HTR4: variants seen among roughly 807,000 people sequenced by gnomAD.
The protein encoded by HTR4 is 5-hydroxytryptamine receptor 4, also known as 5-hydroxytryptamine (serotonin) receptor 4, G protein-coupled.
A neutral mutation model predicts 36.8 loss-of-function variants in HTR4; 16 were observed. That is an observed-to-expected ratio of 0.43 (90% confidence interval 0.29 to 0.66). HTR4 has a LOEUF of 0.66. Ranked by LOEUF, HTR4 falls within the 30% of genes least tolerant of loss-of-function variation. HTR4 has a pLI of 0.13. For synonymous variants in HTR4, 189 were observed against 185.1 expected, an observed-to-expected ratio of 1.02 and a Z score of -0.17; for missense variants, 438 against 490.9, an observed-to-expected ratio of 0.89 and a Z score of 1.02.
chr5:148,646,076 C>T (rs904808489), intron 1 of HTR4: 1 of 152,232 alleles, frequency 6.6e-6, no homozygotes, highest in African/African-American at 2.4e-5. Flanking sequence ...ATTAGTATAT[C>T]TAAAAATCAC....
At chr5:148,589,724 C>CA (rs1761486139) in intron 2 of HTR4, among the ~76,000 whole-genome samples, 1 of 151,818 alleles carries the variant, frequency 6.6e-6, no homozygotes. Flanking sequence ...ATATACTTTA[C>CA]AAAAATATAT....
At chr5:148,544,890 A>C (rs1000111497) in intron 4 of HTR4, among the ~76,000 whole-genome samples, 1 of 152,234 alleles carries the variant, frequency 6.6e-6, no homozygotes, top group Admixed American at 6.5e-5. Context: ...ACTACCCCTT[A>C]TGATTGATCC....
At chr5:148,585,012 T>G (rs779141293) in intron 2 of HTR4, among the ~76,000 whole-genome samples, 1 of 152,120 alleles carries the variant, frequency 6.6e-6, no homozygotes, top group Non-Finnish European at 1.5e-5. Flanking sequence ...GAAAGCAACA[T>G]GGTATAGAAC....
intron 1 of HTR4, among the ~76,000 whole-genome samples, chr5:148,640,092 G>A (rs370261342): frequency 4.6e-5 from 7 of 152,116 alleles, no homozygotes; most frequent in African/African-American, 1.7e-4. Flanking sequence ...AGCAGCACTT[G>A]ACCAATCTGG....
At chr5:148,548,604 C>A in intron 4 of HTR4, 64 bp downstream of exon 4, 2 of 1,286,016 alleles carry the variant, frequency 1.6e-6, no homozygotes, top group Non-Finnish European at 2.2e-6. Flanking sequence ...GCAGACACTG[C>A]CCAATATCCA....
chr5:148,647,434 G>A (rs192766618), intron 1 of HTR4, among the ~76,000 whole-genome samples: 135 of 152,258 alleles, frequency 8.9e-4, no homozygotes, highest in African/African-American at 3.1e-3. Context: ...CAATGTAATG[G>A]AAATTACCAG....
intron 6 of HTR4, among the ~76,000 whole-genome samples, chr5:148,487,090 G>A (rs1756197535): frequency 7.6e-6 from 1 of 131,750 alleles, no homozygotes; most frequent in South Asian, 2.3e-4. Context: ...AATTTACAAA[G>A]CATTGTCATA....
intron 4 of HTR4, among the ~76,000 whole-genome samples, chr5:148,545,751 T>G (rs1759358551): frequency 6.6e-6 from 1 of 151,422 alleles, no homozygotes; most frequent in Non-Finnish European, 1.5e-5. Context: ...AGGAAGGGGG[T>G]GAAGGGAAGC....
intron 5 of HTR4, among the ~76,000 whole-genome samples, chr5:148,519,367 G>A (rs543524975): frequency 3.3e-5 from 5 of 152,124 alleles, no homozygotes; most frequent in Non-Finnish European, 5.9e-5. Context: ...GGTTGGTGTG[G>A]TTACCAATTT....
chr5:148,490,549 T>C, intron 6 of HTR4: 3 of 1,121,466 alleles, frequency 2.7e-6, no homozygotes, highest in Non-Finnish European at 3.3e-6. Context: ...ATTTTGTAAC[T>C]CACAGAATCA....
Position 148,654,415 on chromosome 5 carries a change from G to A in HTR4, c.-401C>T. 1 of 985,486 alleles carries A rather than the reference G, an allele frequency of 1.0e-6. No homozygotes were observed. The highest frequency in any genetic ancestry group is 1.7e-5 in the African/African-American group (1 of 57,374). 61.0% of individuals were successfully genotyped at this position (985,486 alleles called of 1,614,324 possible). A position where few individuals can be genotyped will look rare whatever the true frequency, so the allele number is the denominator to read the frequency against. On this transcript the variant is annotated 5_prime_UTR_variant, in exon 1 of 7. Transcript: ENST00000377888. ...ACTGGGCGCCAGGGACAGCGGGGGT[G>A]CCGCTCTGCCGGCAGGGCGCACAGG...
chr5:148,480,986 G>A (rs1755859957), downstream of HTR4, among the ~76,000 whole-genome samples: 3 of 152,214 alleles, frequency 2.0e-5, no homozygotes, highest in African/African-American at 7.2e-5. Context: ...TCTGAGGTCT[G>A]AGACATTCAG....
intron 5 of HTR4, among the ~76,000 whole-genome samples, chr5:148,515,490 C>T (rs1434833565): frequency 3.9e-5 from 6 of 152,066 alleles, no homozygotes; most frequent in African/African-American, 1.4e-4. Flanking sequence ...TGAAAAATTC[C>T]CATAAAAGTC....
At chr5:148,462,762 C>G (rs1755308126) in intron 5 of HTR4, among the ~76,000 whole-genome samples, 1 of 152,076 alleles carries the variant, frequency 6.6e-6, no homozygotes, top group African/African-American at 2.4e-5. Flanking sequence ...AAATCATCAA[C>G]AAGATATTAG....
chr5:148,550,084 G>C, intron 3 of HTR4, 53 bp downstream of exon 3: 1 of 1,601,854 alleles, frequency 6.2e-7, no homozygotes, highest in Non-Finnish European at 8.5e-7. Flanking sequence ...CAACTCTCTA[G>C]GGACAGCTCA....
At chr5:148,546,249 A>G (rs1759378820) in intron 4 of HTR4, among the ~76,000 whole-genome samples, 2 of 152,200 alleles carry the variant, frequency 1.3e-5, no homozygotes, top group African/African-American at 4.8e-5. Flanking sequence ...GAATATTGTG[A>G]CAAGCTGGGC....
chr5:148,452,770 A>G (rs1755004512), intron 5 of HTR4, among the ~76,000 whole-genome samples: 1 of 152,234 alleles, frequency 6.6e-6, no homozygotes, highest in Non-Finnish European at 1.5e-5. Flanking sequence ...AGCATCTGCT[A>G]CTACTTGCCA....
Position 148,543,080 on chromosome 5 carries a change from C to A in HTR4, c.353+5588G>T, listed in dbSNP as rs1392577183. Among the ~76,000 whole-genome samples the A allele has an allele frequency of 2.0e-5, 3 of 152,266 alleles. No homozygotes were observed. In the East Asian group the frequency reaches 5.8e-4, roughly 29 times the overall value. ...ACGGAAATTCTTCCATGAGAAACAG[C>A]ACTTAGGTTTCTCTTCCTATGGACT... On this transcript the variant is annotated intron_variant, in intron 4 of 6. Coordinates refer to ENST00000377888, the MANE Select transcript of HTR4 (RefSeq NM_000870.7).
chr5:148,481,230 T>C (rs1755867827), downstream of HTR4, among the ~76,000 whole-genome samples: 1 of 152,208 alleles, frequency 6.6e-6, no homozygotes, highest in Admixed American at 6.5e-5. Flanking sequence ...TAATGGTGGT[T>C]GCTGAGCCTA....
Sources: allele counts gnomAD v4.1 joint callset (sites outside exome capture counted in the v4.1 genomes callset), GRCh38; gene constraint gnomAD v4.1.1; transcripts MANE v1.5; gene names NCBI Gene and HGNC (gene_info 2026-07-23, HGNC 2026-07-21).